KRR1: variants seen among roughly 807,000 people sequenced by gnomAD.
KRR1 encodes KRR1 small subunit processome component homolog.
KRR1 carries 23 observed loss-of-function variants against 50.0 expected under a neutral mutation model. The ratio of observed to expected loss-of-function variants is 0.46; its 90% CI spans 0.33 to 0.65. The LOEUF is 0.65. Ranked by LOEUF, KRR1 falls within the 30% of genes least tolerant of loss-of-function variation. KRR1 has a pLI of 0.02. For missense variants in KRR1, 419 were observed against 442.4 expected (o/e 0.95, Z 0.47); for synonymous variants, 133 against 146.3 (o/e 0.91, Z 0.66).
At chr12:75,504,256 A>T in intron 6 of KRR1, 182 bp from the exon 7 acceptor site, 1 of 384,646 alleles carries the variant, frequency 2.6e-6, no homozygotes. Flanking sequence ...ATTATTAGAA[A>T]ACCATTAGAA....
chr12:75,511,568 T>C lies in KRR1; in HGVS notation c.30A>G (p.Glu10=), dbSNP rs778492026. The change falls in exon 1 of 10, where the codon GAA becomes GAG. Residue 10 remains glutamate, a synonymous_variant. Transcript: ENST00000229214. MASPSLERP[E]KGAGKSEFRN... ...GAAATTCACTTTTTCCAGCGCCTTT[T>C]TCTGGCCGCTCCAGCGAGGGAGACG... 21 of 1,614,008 alleles carry C rather than the reference T, an allele frequency of 1.3e-5. 1 individual carries two copies. In the Admixed American group the frequency reaches 2.0e-4, roughly 15 times the overall value.
At chr12:75,501,575 C>A in intron 9 of KRR1, 148 bp downstream of exon 9, 1 of 603,262 alleles carries the variant, frequency 1.7e-6, no homozygotes, top group Non-Finnish European at 2.9e-6. Context: ...ATTATCTCAG[C>A]CATCCCTTGT....
chr12:75,499,694 C>T lies in KRR1; in HGVS notation c.*115G>A. The T allele has an allele frequency of 1.6e-6, 1 of 608,708 alleles. No homozygotes were observed. The highest frequency in any genetic ancestry group is 2.0e-5 in the African/African-American group (1 of 49,766). 37.7% of individuals were successfully genotyped at this position (608,708 alleles called of 1,614,324 possible). On this transcript the variant is annotated 3_prime_UTR_variant, in exon 10 of 10. Coordinates refer to ENST00000229214, the MANE Select transcript of KRR1 (RefSeq NM_007043.7). ...AACACTCTTCTATGAACAACCACCA[C>T]CACCAAAAAAAAAAAAAGCCCTCAG...
chr12:75,509,036 T>C (rs1023271337), intron 1 of KRR1, among the ~76,000 whole-genome samples: 10 of 152,164 alleles, frequency 6.6e-5, no homozygotes, highest in Admixed American at 5.2e-4. Flanking sequence ...TCTCATTTTA[T>C]AGAAGATGGT....
chr12:75,508,516 G>T, intron 1 of KRR1, 70 bp from the exon 2 acceptor site: 2 of 1,184,764 alleles, frequency 1.7e-6, no homozygotes, highest in Non-Finnish European at 2.4e-6. Context: ...CATTTTAACT[G>T]TCTTTTGGAC....
Position 75,491,219 on chromosome 12 carries a change from T to G in KRR1, c.*8590A>C, listed in dbSNP as rs1346779884. The G allele has an allele frequency of 6.6e-6, 1 of 152,260 alleles. No homozygotes were observed. Among genetic ancestry groups the G allele is most frequent in the Non-Finnish European group, 1.5e-5 (1 of 68,054 alleles). The allele number at this position is 152,260 out of a possible 1,614,324, so 9.4% of individuals were successfully genotyped here. A position where few individuals can be genotyped will look rare whatever the true frequency, so the allele number is the denominator to read the frequency against. The stretch of plus-strand genomic sequence containing the variant: ...TACAATGCTCTCAGCACTGTTAAAG[T>G]GCTTCACATATATTAACTTAATCTT... On this transcript the variant is annotated 3_prime_UTR_variant, in exon 10 of 10. Coordinates refer to ENST00000229214, the MANE Select transcript of KRR1 (RefSeq NM_007043.7).
chr12:75,508,565 C>T, intron 1 of KRR1, 119 bp from the exon 2 acceptor site: 1 of 589,164 alleles, frequency 1.7e-6, no homozygotes, highest in Admixed American at 3.8e-5. Context: ...ACAAACCTTC[C>T]AATACTCCTT....
rs1341345841 is a variant in KRR1, at chr12:75,506,253, ATAT to A, written c.603+60_603+62del. The A allele has an allele frequency of 4.4e-5, 44 of 1,007,748 alleles. No individual in the cohort carries two copies. In the Admixed American group the frequency reaches 1.0e-3, roughly 24 times the overall value. 62.4% of individuals were successfully genotyped at this position (1,007,748 alleles called of 1,614,324 possible). On this transcript the variant is annotated intron_variant, in intron 5 of 9. Transcript: ENST00000229214. Reference sequence around the variant, plus strand: ...ATTATAAAGCATTATCCAATAAACTATATTATAACCAAATTATTTGTTCTCTGC... The same window carrying A: ...ATTATAAAGCATTATCCAATAAACTATATAACCAAATTATTTGTTCTCTGC...
rs927621545 is a variant in KRR1, at chr12:75,498,128, T to A, written c.*1681A>T. On this transcript the variant is annotated 3_prime_UTR_variant, in exon 10 of 10. Coordinates refer to ENST00000229214, the MANE Select transcript of KRR1 (RefSeq NM_007043.7). Reference sequence around the variant, plus strand: ...GGTTTCTATTTTATAAAAGAAAGTATCCAGAAGGCTAAAGGCAGTTGTGGA... The same window carrying A: ...GGTTTCTATTTTATAAAAGAAAGTAACCAGAAGGCTAAAGGCAGTTGTGGA... 12 of 152,484 alleles carry A rather than the reference T, an allele frequency of 7.9e-5. No individual in the cohort carries two copies. The highest frequency in any genetic ancestry group is 2.9e-4 in the African/African-American group (12 of 41,440). 9.4% of individuals were successfully genotyped at this position (152,484 alleles called of 1,614,324 possible). A position where few individuals can be genotyped will look rare whatever the true frequency, so the allele number is the denominator to read the frequency against.
chr12:75,511,400 C>G (rs2046448127), intron 1 of KRR1, 113 bp downstream of exon 1: 1 of 930,000 alleles, frequency 1.1e-6, no homozygotes, highest in African/African-American at 1.6e-5. Flanking sequence ...TTCAGGTACT[C>G]AACTACACAG....
chr12:75,499,756 T>A lies in KRR1; in HGVS notation c.*53A>T. 1.4e-6 allele frequency: 2 copies of A among 1,407,882 alleles called. No homozygotes were observed. The highest frequency in any genetic ancestry group is 1.9e-6 in the Non-Finnish European group (2 of 1,052,840). 87.2% of individuals were successfully genotyped at this position (1,407,882 alleles called of 1,614,324 possible). On this transcript the variant is annotated 3_prime_UTR_variant, in exon 10 of 10. Coordinates refer to ENST00000229214, the MANE Select transcript of KRR1 (RefSeq NM_007043.7). ...CAAATAAGGCAACTAATGCCTGATA[T>A]CTCAAAATCCTTTACAAAAGGAGAT... is the stretch of plus-strand genomic sequence containing the variant.
At chr12:75,500,057 A>C in intron 9 of KRR1, 106 bp from the exon 10 acceptor site, 1 of 814,620 alleles carries the variant, frequency 1.2e-6, no homozygotes, top group South Asian at 1.9e-5. Flanking sequence ...TTAACTTCAG[A>C]GTATTCTTAT....
chr12:75,511,360 T>C (rs926338185), intron 1 of KRR1, among the ~76,000 whole-genome samples, 153 bp downstream of exon 1: 17 of 152,214 alleles, frequency 1.1e-4, no homozygotes, highest in African/African-American at 4.1e-4. Flanking sequence ...GCCGTTCCTG[T>C]GGGCCCAGCC....
Position 75,490,927 on chromosome 12 carries a change from T to C in KRR1, c.*8882A>G, listed in dbSNP as rs536992360. ...CAATTTTCAAAGCAAAACAGATTCC[T>C]CAACTTATATAACCTATTTCATTTA... On this transcript the variant is annotated 3_prime_UTR_variant, in exon 10 of 10. Coordinates refer to ENST00000229214, the MANE Select transcript of KRR1 (RefSeq NM_007043.7). 1 of 156,032 alleles carries C rather than the reference T, an allele frequency of 6.4e-6. No homozygotes were observed. The highest frequency in any genetic ancestry group is 1.4e-5 in the Non-Finnish European group (1 of 70,310). 9.7% of individuals were successfully genotyped at this position (156,032 alleles called of 1,614,324 possible). A position where few individuals can be genotyped will look rare whatever the true frequency, so the allele number is the denominator to read the frequency against.
At chr12:75,504,779 G>A (rs1241969387) in intron 6 of KRR1, among the ~76,000 whole-genome samples, 1 of 151,944 alleles carries the variant, frequency 6.6e-6, no homozygotes, top group Non-Finnish European at 1.5e-5. Flanking sequence ...TACAATTTGA[G>A]TGTTAAATTC....
At position 75,491,275 on chromosome 12, in the gene KRR1, C is replaced by G. The variant is rs1384160224; in HGVS notation, c.*8534G>C. On this transcript the variant is annotated 3_prime_UTR_variant, in exon 10 of 10. Transcript: ENST00000229214. ...GAAGTTTATGAGATGGCTCCTATTA[C>G]TACCCCTGTTTGGCAAATGAGAACA... is the stretch of plus-strand genomic sequence containing the variant. The G allele has an allele frequency of 6.6e-6, 1 of 152,134 alleles. No homozygotes were observed. Among genetic ancestry groups the G allele is most frequent in the Admixed American group, 6.6e-5 (1 of 15,264 alleles). The allele number at this position is 152,134 out of a possible 1,614,324, so 9.4% of individuals were successfully genotyped here.
At chr12:75,501,550 G>C in intron 9 of KRR1, 173 bp downstream of exon 9, 1 of 576,968 alleles carries the variant, frequency 1.7e-6, no homozygotes, top group Non-Finnish European at 3.0e-6. Flanking sequence ...GGCATTAGCT[G>C]CCTCTAAATT....
rs778747459 is a variant in KRR1 at position 75,503,925 on chromosome 12, T to TG, written c.809dup (p.Pro271ThrfsTer10). 6.2e-7 allele frequency: 1 copy of TG among 1,610,132 alleles called. No individual in the cohort carries two copies. Among genetic ancestry groups the TG allele is most frequent in the East Asian group, 2.2e-5 (1 of 44,818 alleles). ...TAACCTGACTTTCTGGTTGTGGTGGTGGGAATGGCGTATATTCTTTCTTAA... is the reference window on the plus strand; with the variant it reads ...TAACCTGACTTTCTGGTTGTGGTGGTGGGGAATGGCGTATATTCTTTCTTAA... On this transcript the variant is annotated frameshift_variant, in exon 7 of 10. Coordinates refer to ENST00000229214, the MANE Select transcript of KRR1 (RefSeq NM_007043.7). LOFTEE classifies it high-confidence loss of function.
chr12:75,510,998 G>A (rs2046445583), intron 1 of KRR1, among the ~76,000 whole-genome samples: 1 of 152,168 alleles, frequency 6.6e-6, no homozygotes, highest in Non-Finnish European at 1.5e-5. Context: ...TAAACAGTAA[G>A]GGCTGTGTCG....
Sources: allele counts gnomAD v4.1 joint callset (sites outside exome capture counted in the v4.1 genomes callset), GRCh38; gene constraint gnomAD v4.1.1; transcripts MANE v1.5; gene names NCBI Gene and HGNC (gene_info 2026-07-23, HGNC 2026-07-21).